The following ZFPM2 variants were observed in gnomAD, a reference collection of about 807,000 sequenced individuals.
ZFPM2 encodes zinc finger protein ZFPM2.
A neutral mutation model predicts 98.6 loss-of-function variants in ZFPM2; 20 were observed. That is an observed-to-expected ratio of 0.20 (90% CI 0.14 to 0.29). The LOEUF (loss-of-function observed/expected upper bound fraction) is 0.29, where lower values mean the gene tolerates loss of function less well. ZFPM2 is among the 10% of genes least tolerant of loss of function. The pLI is 1.00. For missense variants in ZFPM2, 1,310 were observed against 1,388.6 expected (o/e 0.94, Z 0.90); for synonymous variants, 518 against 502.7 (o/e 1.03, Z -0.41).
intron 1 of ZFPM2, among the ~76,000 whole-genome samples, chr8:105,393,024 G>A (rs1263876744): frequency 6.6e-6 from 1 of 152,014 alleles, no homozygotes; most frequent in African/African-American, 2.4e-5. Flanking sequence ...TCTAGTTCTT[G>A]TTCTATGAAA....
At chr8:105,422,600 C>A (rs1811818361) in intron 2 of ZFPM2, among the ~76,000 whole-genome samples, 1 of 152,006 alleles carries the variant, frequency 6.6e-6, no homozygotes, top group Admixed American at 6.5e-5. Context: ...TACCCATGAC[C>A]AAAATTTACC....
At chr8:105,320,527 C>G (rs1223518253) in intron 1 of ZFPM2, among the ~76,000 whole-genome samples, 1 of 152,108 alleles carries the variant, frequency 6.6e-6, no homozygotes, top group Non-Finnish European at 1.5e-5. Flanking sequence ...TGATCAGATT[C>G]CTCTGTTTAA....
chr8:105,428,445 C>T lies in ZFPM2; in HGVS notation c.199+9143C>T, dbSNP rs182276228. Among the ~76,000 whole-genome samples the T allele has an allele frequency of 1.1e-4, 16 of 152,254 alleles. No individual in the cohort carries two copies. In the East Asian group the frequency reaches 2.3e-3, roughly 22 times the overall value. On this transcript the variant is annotated intron_variant, in intron 2 of 7. Coordinates refer to ENST00000407775, the MANE Select transcript of ZFPM2 (RefSeq NM_012082.4). ...GGCTATATTGAAAGCATGTTAGTCT[C>T]ATTATACTAACTGAAATTATATTAC... is the stretch of plus-strand genomic sequence containing the variant.
intron 5 of ZFPM2, among the ~76,000 whole-genome samples, chr8:105,635,155 C>T (rs573090518): frequency 8.6e-5 from 13 of 152,034 alleles, no homozygotes; most frequent in Non-Finnish European, 1.5e-4. Flanking sequence ...AAACCTTGTG[C>T]TTCTCATGTT....
At chr8:105,373,100 T>C (rs1810656304) in intron 1 of ZFPM2, among the ~76,000 whole-genome samples, 2 of 152,190 alleles carry the variant, frequency 1.3e-5, no homozygotes, top group Admixed American at 1.3e-4. Context: ...ACTATTCTTG[T>C]TGGCCAGGAG....
intron 3 of ZFPM2, among the ~76,000 whole-genome samples, chr8:105,464,454 T>G (rs1812759611): frequency 6.6e-6 from 1 of 151,964 alleles, no homozygotes; most frequent in Non-Finnish European, 1.5e-5. Flanking sequence ...AGCAAATGCA[T>G]AAGACATTTT....
intron 1 of ZFPM2, among the ~76,000 whole-genome samples, chr8:105,337,752 GT>G (rs5893739): frequency 6.7e-6 from 1 of 148,830 alleles, no homozygotes; most frequent in Non-Finnish European, 1.5e-5. Context: ...CATAGTTCAT[GT>G]TTTTTTTTTA....
At chr8:105,566,909 A>T (rs551107572) in intron 4 of ZFPM2, among the ~76,000 whole-genome samples, 6 of 152,094 alleles carry the variant, frequency 3.9e-5, no homozygotes, top group Non-Finnish European at 7.4e-5. Flanking sequence ...GTGATACTGA[A>T]TTTTTTTTAA....
Position 105,616,239 on chromosome 8 carries a change from A to T in ZFPM2, c.421-18007A>T, listed in dbSNP as rs186380934. ...TACTAGTGAAAACAATACATAAAAA[A>T]TCTGAAGTAACTTAAACATAGTAGT... On this transcript the variant is annotated intron_variant, in intron 4 of 7. Transcript: ENST00000407775. Among the ~76,000 whole-genome samples, 36 of 152,280 alleles carry T rather than the reference A, an allele frequency of 2.4e-4. No homozygotes were observed. The East Asian group carries it at 6.0e-3, about 25-fold the overall frequency.
intron 5 of ZFPM2, among the ~76,000 whole-genome samples, chr8:105,742,893 C>A (rs1812253184): frequency 6.6e-6 from 1 of 152,058 alleles, no homozygotes; most frequent in South Asian, 2.1e-4. Context: ...CTCAGACAAA[C>A]AAACGATCAT....
At chr8:105,387,660 C>CCCGCGCCTCTACTT (rs1811026857) in intron 1 of ZFPM2, 1 of 154,584 alleles carries the variant, frequency 6.5e-6, no homozygotes, top group East Asian at 1.9e-4. Flanking sequence ...GCGGTTCCTG[C>CCCGCGCCTCTACTT]CCGCGCCTCT....
At chr8:105,454,277 G>T (rs1241631474) in intron 3 of ZFPM2, among the ~76,000 whole-genome samples, 3 of 151,470 alleles carry the variant, frequency 2.0e-5, no homozygotes, top group Non-Finnish European at 4.4e-5. Flanking sequence ...TGGTGGTGTT[G>T]TGTAGCATGT....
chr8:105,658,652 T>C (rs546898882), intron 5 of ZFPM2, among the ~76,000 whole-genome samples: 2 of 151,532 alleles, frequency 1.3e-5, no homozygotes, highest in South Asian at 2.1e-4. Context: ...TCCTGTACCT[T>C]CAGTCTATCT....
chr8:105,681,332 CCCCT>C (rs1178146918), intron 5 of ZFPM2, among the ~76,000 whole-genome samples: 1 of 152,128 alleles, frequency 6.6e-6, no homozygotes, highest in Non-Finnish European at 1.5e-5. Flanking sequence ...TTCCTCACAA[CCCCT>C]TTCAGAATGC....
chr8:105,575,311 A>G (rs983491634), intron 4 of ZFPM2, among the ~76,000 whole-genome samples: 35 of 152,180 alleles, frequency 2.3e-4, no homozygotes, highest in African/African-American at 8.2e-4. Flanking sequence ...GAAAGGAAAC[A>G]ATGAGCCGTT....
chr8:105,672,688 A>T lies in ZFPM2; in HGVS notation c.532+38331A>T, dbSNP rs1817618180. Among the ~76,000 whole-genome samples the T allele has an allele frequency of 2.0e-5, 3 of 152,144 alleles. No homozygotes were observed. In the South Asian group the frequency reaches 6.2e-4, roughly 32 times the overall value. ...TGGCTAGAATTTCTAGAAAAATTTCACTAATATTGCTGATAGCAGATGACT... is the reference window on the plus strand; with the variant it reads ...TGGCTAGAATTTCTAGAAAAATTTCTCTAATATTGCTGATAGCAGATGACT... On this transcript the variant is annotated intron_variant, in intron 5 of 7. Coordinates refer to ENST00000407775, the MANE Select transcript of ZFPM2 (RefSeq NM_012082.4).
chr8:105,450,500 CTG>C (rs1390203366), intron 3 of ZFPM2, among the ~76,000 whole-genome samples: 1 of 152,092 alleles, frequency 6.6e-6, no homozygotes, highest in Admixed American at 6.6e-5. Context: ...CCTAGAATGA[CTG>C]TGTATTACTC....
intron 5 of ZFPM2, among the ~76,000 whole-genome samples, chr8:105,711,455 A>T (rs1811395457): frequency 6.6e-6 from 1 of 151,854 alleles, no homozygotes; most frequent in South Asian, 2.1e-4. Context: ...TGTCTCCCTG[A>T]CTCTTAAGAG....
intron 1 of ZFPM2, among the ~76,000 whole-genome samples, chr8:105,394,661 G>A (rs1165720776): frequency 6.6e-6 from 1 of 152,182 alleles, no homozygotes; most frequent in Non-Finnish European, 1.5e-5. Context: ...AAATGTGCAT[G>A]AGCGGCTTCG....
Sources: allele counts gnomAD v4.1 joint callset (sites outside exome capture counted in the v4.1 genomes callset), GRCh38; gene constraint gnomAD v4.1.1; transcripts MANE v1.5; gene names NCBI Gene and HGNC (gene_info 2026-07-23, HGNC 2026-07-21).